Variants in OTUD7A observed in about 807,000 individuals in gnomAD.
OTUD7A encodes the protein OTU deubiquitinase 7A, also known as OTU domain-containing protein 7A.
A neutral mutation model predicts 65.7 loss-of-function variants in OTUD7A; 12 were observed. That is an observed-to-expected ratio of 0.18 (90% CI 0.12 to 0.30). The LOEUF (loss-of-function observed/expected upper bound fraction) is 0.30, where lower values mean the gene tolerates loss of function less well. Ranked by LOEUF, OTUD7A falls within the 10% of genes least tolerant of loss-of-function variation. The probability of loss-of-function intolerance (pLI) is 1.00; values close to 1 mark genes in which losing one functional copy is unlikely to be tolerated. For missense variants in OTUD7A, 1,148 were observed against 1,304.8 expected (o/e 0.88, Z 1.85); for synonymous variants, 641 against 586.3 (o/e 1.09, Z -1.35).
intron 1 of OTUD7A, among the ~76,000 whole-genome samples, chr15:31,753,727 A>ATATATATAT (rs1894727502): frequency 7.7e-6 from 1 of 130,530 alleles, no homozygotes; most frequent in East Asian, 2.2e-4. Flanking sequence ...TATATTATAT[A>ATATATATAT]TATATATATA....
chr15:31,605,854 G>A (rs1890224184), intron 3 of OTUD7A, among the ~76,000 whole-genome samples: 1 of 152,172 alleles, frequency 6.6e-6, no homozygotes, highest in Non-Finnish European at 1.5e-5. Flanking sequence ...CCACCGGGGA[G>A]ACTGTGCCAC....
chr15:31,866,523 G>A (rs1334409821), intron 1 of OTUD7A, among the ~76,000 whole-genome samples: 4 of 152,124 alleles, frequency 2.6e-5, no homozygotes, highest in South Asian at 2.1e-4. Flanking sequence ...TGATGAAGGC[G>A]GTTCCCCCCT....
At chr15:31,860,679 A>ATATATATATATATATATATG (rs1897709689) in intron 1 of OTUD7A, among the ~76,000 whole-genome samples, 1 of 40,880 alleles carries the variant, frequency 2.4e-5, no homozygotes, top group Non-Finnish European at 6.3e-5. Context: ...GTATGTGTGT[A>ATATATATATATATATATATG]TATATATATA....
At chr15:31,646,085 C>A (rs762285109) in intron 3 of OTUD7A, among the ~76,000 whole-genome samples, 1 of 152,184 alleles carries the variant, frequency 6.6e-6, no homozygotes, top group East Asian at 1.9e-4. Flanking sequence ...AAGTGTTTAA[C>A]GACATGACTC....
chr15:31,648,587 A>G (rs1214758666), intron 3 of OTUD7A, among the ~76,000 whole-genome samples: 1 of 152,130 alleles, frequency 6.6e-6, no homozygotes, highest in Non-Finnish European at 1.5e-5. Context: ...TTTGCAGACA[A>G]AGCTTCGTCT....
intron 1 of OTUD7A, among the ~76,000 whole-genome samples, chr15:31,826,525 G>A (rs182493025): frequency 2.0e-5 from 3 of 152,336 alleles, no homozygotes; most frequent in African/African-American, 7.2e-5. Flanking sequence ...TGTGATAGGA[G>A]GGGCTGATGT....
At chr15:31,584,216 A>C (rs1889458820) in intron 3 of OTUD7A, among the ~76,000 whole-genome samples, 1 of 152,224 alleles carries the variant, frequency 6.6e-6, no homozygotes. Flanking sequence ...CTTAGCTCTT[A>C]TAGCCATGGA....
intron 10 of OTUD7A, among the ~76,000 whole-genome samples, chr15:31,496,338 C>A (rs2041383741): frequency 1.3e-5 from 2 of 151,948 alleles, no homozygotes; most frequent in African/African-American, 4.8e-5. Context: ...TCTCCTGCCT[C>A]AGCCTCCTGC....
chr15:31,559,598 A>G (rs893010299), intron 4 of OTUD7A, among the ~76,000 whole-genome samples: 5 of 152,230 alleles, frequency 3.3e-5, no homozygotes, highest in African/African-American at 1.2e-4. Flanking sequence ...TTGTATACAT[A>G]CATGTGCACA....
At chr15:31,568,519 G>C (rs964616436) in intron 4 of OTUD7A, among the ~76,000 whole-genome samples, 8 of 152,218 alleles carry the variant, frequency 5.3e-5, no homozygotes, top group African/African-American at 1.9e-4. Flanking sequence ...GTTAATGCTG[G>C]AACAAGTCAA....
intron 1 of OTUD7A, among the ~76,000 whole-genome samples, chr15:31,737,207 A>T (rs944324986): frequency 6.6e-6 from 1 of 152,244 alleles, no homozygotes. Context: ...AATAAACAAT[A>T]TAAAAAGACA....
At chr15:31,647,090 G>A (rs1429043042) in intron 3 of OTUD7A, among the ~76,000 whole-genome samples, 1 of 152,184 alleles carries the variant, frequency 6.6e-6, no homozygotes, top group Non-Finnish European at 1.5e-5. Context: ...TAACGGCAGA[G>A]CTCTCTCTAG....
Position 31,487,159 on chromosome 15 carries a change from G to C in OTUD7A, c.1371+35C>G, listed in dbSNP as rs1218320453. ...ACTGGAGCTGAGCAGCCTGGACCCT[G>C]CTGCCAGGTCTGGTCCCAGCACAGC... On this transcript the variant is annotated intron_variant, in intron 12 of 12. Coordinates refer to ENST00000307050, the MANE Select transcript of OTUD7A (RefSeq NM_001382637.1). The surrounding 1 kb of genome is among the most constrained non-coding windows in gnomAD (Gnocchi z 6.0). The C allele has an allele frequency of 6.3e-7, 1 of 1,593,028 alleles. No homozygotes were observed. The highest frequency in any genetic ancestry group is 8.6e-7 in the Non-Finnish European group (1 of 1,162,908).
intron 1 of OTUD7A, among the ~76,000 whole-genome samples, chr15:31,778,113 G>A (rs1045157928): frequency 2.6e-5 from 4 of 152,136 alleles, no homozygotes; most frequent in Non-Finnish European, 4.4e-5. Flanking sequence ...GGGAATGGCC[G>A]AATGTGCAGA....
chr15:31,580,836 G>A (rs913181703), intron 3 of OTUD7A, among the ~76,000 whole-genome samples: 7 of 151,942 alleles, frequency 4.6e-5, no homozygotes, highest in African/African-American at 1.7e-4. Flanking sequence ...GTGAGATTTG[G>A]GTGAGGACAC....
At chr15:31,671,475 T>C (rs1049827687) in intron 1 of OTUD7A, among the ~76,000 whole-genome samples, 1 of 152,228 alleles carries the variant, frequency 6.6e-6, no homozygotes, top group Non-Finnish European at 1.5e-5. Flanking sequence ...AGCCTTGTAG[T>C]ATAGTTTGAA....
rs1566892766 is a variant in OTUD7A at position 31,511,062 on chromosome 15, TACATATATATGTATATCTATATGTA to T, written c.894-7269_894-7245del. ...CATACATGTATATCTATATGTAACATACATATATATGTATATCTATATGTAACATACATATGTATATCTATATGTA... is the reference window on the plus strand; with the variant it reads ...CATACATGTATATCTATATGTAACATACATACATATGTATATCTATATGTA... On this transcript the variant is annotated intron_variant, in intron 8 of 12. Coordinates refer to ENST00000307050, the MANE Select transcript of OTUD7A (RefSeq NM_001382637.1). Among the ~76,000 whole-genome samples, 11 of 69,922 alleles carry T rather than the reference TACATATATATGTATATCTATATGTA, an allele frequency of 1.6e-4. 1 individual carries two copies. In the South Asian group the frequency reaches 2.0e-3, roughly 13 times the overall value. 45.9% of individuals were successfully genotyped at this position (69,922 alleles called of 152,430 possible). A position where few individuals can be genotyped will look rare whatever the true frequency, so the allele number is the denominator to read the frequency against.
chr15:31,807,731 C>T (rs1035861663), intron 1 of OTUD7A, among the ~76,000 whole-genome samples: 1 of 152,018 alleles, frequency 6.6e-6, no homozygotes, highest in Admixed American at 6.6e-5. Context: ...AATTAGTATG[C>T]TATATTTGAT....
chr15:31,529,942 C>T (rs1336056098), intron 6 of OTUD7A, among the ~76,000 whole-genome samples: 3 of 152,218 alleles, frequency 2.0e-5, no homozygotes, highest in African/African-American at 7.2e-5. Context: ...AACCCAGACT[C>T]ACCTATCAAA....
Sources: allele counts gnomAD v4.1 joint callset (sites outside exome capture counted in the v4.1 genomes callset), GRCh38; gene constraint gnomAD v4.1.1; non-coding constraint Gnocchi (gnomAD v3.1); transcripts MANE v1.5; gene names NCBI Gene and HGNC (gene_info 2026-07-23, HGNC 2026-07-21).